The following PFKL variants were observed in gnomAD, a reference collection of about 807,000 sequenced individuals.
PFKL encodes the protein ATP-dependent 6-phosphofructokinase, liver type.
Under a neutral mutation model 92.1 loss-of-function variants are expected in PFKL, and 74 were observed. That is an observed-to-expected ratio of 0.80 (90% CI 0.67 to 0.97). The LOEUF is 0.97. PFKL is among the 50% of genes least tolerant of loss of function. PFKL has a pLI of 0.00. For missense variants in PFKL, 1,028 were observed against 1,116.6 expected (o/e 0.92, Z 1.13); for synonymous variants, 494 against 456.4 (o/e 1.08, Z -1.05).
chr21:44,319,505 C>T (rs2047304435), intron 11 of PFKL, 90 bp downstream of exon 11: 3 of 1,081,858 alleles, frequency 2.8e-6, no homozygotes, highest in Admixed American at 1.7e-5. Flanking sequence ...GCACGCCTGG[C>T]CTGGGTCATC....
intron 12 of PFKL, 117 bp downstream of exon 12, chr21:44,320,264 G>T (rs1212784114): frequency 6.2e-6 from 5 of 809,846 alleles, no homozygotes; most frequent in East Asian, 2.8e-5. Flanking sequence ...GCTGGGGTCC[G>T]AGCTGTGAGC....
In PFKL at chr21:44,321,677, G is replaced by T; in HGVS notation, c.1192-52G>T. 8.2e-6 allele frequency: 12 copies of T among 1,470,528 alleles called. No homozygotes were observed. In the South Asian group the frequency reaches 1.7e-4, roughly 21 times the overall value. The allele number at this position is 1,470,528 out of a possible 1,614,324, so 91.1% of individuals were successfully genotyped here. On this transcript the variant is annotated intron_variant, in intron 12 of 21. Transcript: ENST00000349048. Reference sequence around the variant, plus strand: ...GGCCTGCTGACCTCCTGTGCAGGTTGGGGGTCCCCTCCCCGGCTGTGCCTC... The same window carrying T: ...GGCCTGCTGACCTCCTGTGCAGGTTTGGGGTCCCCTCCCCGGCTGTGCCTC...
In PFKL at chr21:44,316,231, G is replaced by A. The variant is rs59502052; in HGVS notation, c.748-13G>A. 2.3e-4 allele frequency: 365 copies of A among 1,612,398 alleles called. 2 individuals are homozygous for A. In the East Asian group the frequency reaches 3.5e-3, roughly 16 times the overall value. On this transcript the variant is annotated splice_polypyrimidine_tract_variant and intron_variant, in intron 7 of 21. Coordinates refer to ENST00000349048, the MANE Select transcript of PFKL (RefSeq NM_002626.6). ...CTGCCTGGCAGCTGAGCCCTGTCGT[G>A]TCTTTGACCCAGACTCGGAGCCGTG...
chr21:44,305,657 C>A, intron 1 of PFKL: 1 of 899,328 alleles, frequency 1.1e-6, no homozygotes, highest in African/African-American at 1.8e-5. Context: ...TTCCTCCTCT[C>A]TGAAGATTAG....
Position 44,316,338 on chromosome 21 carries a change from A to T in PFKL, c.842A>T (p.Asp281Val), listed in dbSNP as rs757105915. ...CCCATCTCGTCCAGCTACGTGAAGG[A>T]CGTGCGTGTGGGCCTGGGGGTGGCC... ...GKPISSSYVK[D>V]LVVQRLGFDT... The change falls in exon 8 of 22, where the codon GAC (aspartate) becomes GTC (valine). Residue 281 changes from aspartate (D) to valine (V), a missense_variant and splice_region_variant. Transcript: ENST00000349048. 1 of 1,613,170 alleles carries T rather than the reference A, an allele frequency of 6.2e-7. No individual in the cohort carries two copies. Among genetic ancestry groups the T allele is most frequent in the Non-Finnish European group, 8.5e-7 (1 of 1,179,882 alleles).
intron 1 of PFKL, among the ~76,000 whole-genome samples, chr21:44,301,017 G>T (rs2040760036): frequency 6.6e-6 from 1 of 152,228 alleles, no homozygotes; most frequent in Non-Finnish European, 1.5e-5. Context: ...GCTGGGTTGG[G>T]AAGGGGCCCA....
In PFKL at chr21:44,326,331, A is replaced by T. The variant is rs4818905; in HGVS notation, c.2195+67A>T. 53 of 1,218,170 alleles carry T rather than the reference A, an allele frequency of 4.4e-5. No homozygotes were observed. In the Admixed American group the frequency reaches 6.0e-4, roughly 14 times the overall value. The allele number at this position is 1,218,170 out of a possible 1,614,324, so 75.5% of individuals were successfully genotyped here. A position where few individuals can be genotyped will look rare whatever the true frequency, so the allele number is the denominator to read the frequency against. ...GGGTGGCCCAGACCTTCCCTGAGGCAGGTGTGCCAGGCCCAGCCCCACTGG... is the reference window on the plus strand; with the variant it reads ...GGGTGGCCCAGACCTTCCCTGAGGCTGGTGTGCCAGGCCCAGCCCCACTGG... On this transcript the variant is annotated intron_variant, in intron 21 of 21. Coordinates refer to ENST00000349048, the MANE Select transcript of PFKL (RefSeq NM_002626.6).
Position 44,316,265 on chromosome 21 carries a change from C to CTG in PFKL, c.770_771dup (p.Asn258Ter), listed in dbSNP as rs2047201608. On this transcript the variant is annotated frameshift_variant, in exon 8 of 22. Coordinates refer to ENST00000349048, the MANE Select transcript of PFKL (RefSeq NM_002626.6). LOFTEE classifies it high-confidence loss of function. Reference sequence around the variant, plus strand: ...CCAGACTCGGAGCCGTGGGTCCCGACTGAACATCATCATCATCGCTGAGGG... The same window carrying CTG: ...CCAGACTCGGAGCCGTGGGTCCCGACTGTGAACATCATCATCATCGCTGAGGG... 1 of 1,613,176 alleles carries CTG rather than the reference C, an allele frequency of 6.2e-7. No individual in the cohort carries two copies. The highest frequency in any genetic ancestry group is 1.7e-5 in the Admixed American group (1 of 60,020).
intron 1 of PFKL, 46 bp from the exon 2 acceptor site, chr21:44,306,635 C>T: frequency 6.4e-7 from 1 of 1,556,416 alleles, no homozygotes; most frequent in Non-Finnish European, 8.8e-7. Flanking sequence ...TGTCCAGGGC[C>T]TTGCTTCTCA....
rs57626279 is a variant in PFKL at position 44,311,100 on chromosome 21, C to T, written c.237+17C>T. Reference sequence around the variant, plus strand: ...ATCCAGCTGGTGAGGCCTGGGAACGCGGATGCATGTTGCACTTGGACTCGC... The same window carrying T: ...ATCCAGCTGGTGAGGCCTGGGAACGTGGATGCATGTTGCACTTGGACTCGC... On this transcript the variant is annotated intron_variant, in intron 3 of 21. Transcript: ENST00000349048. 1.9e-5 allele frequency: 30 copies of T among 1,604,870 alleles called. 1 individual carries two copies. The highest frequency in any genetic ancestry group is 1.2e-4 in the South Asian group (11 of 90,602).
In PFKL at chr21:44,302,271, G is replaced by T. The variant is rs529725347; in HGVS notation, c.85+2081G>T. On this transcript the variant is annotated intron_variant, in intron 1 of 21. Transcript: ENST00000349048. The stretch of plus-strand genomic sequence containing the variant: ...CCGTGCAGCTGCAGCGTCTCTGTAT[G>T]TGAGCTCCCATGCGTGGACAGGGAA... Among the ~76,000 whole-genome samples the T allele has an allele frequency of 8.2e-4, 125 of 152,370 alleles. 1 individual carries two copies. Among genetic ancestry groups the T allele is most frequent in the Middle Eastern group, 3.4e-3 (1 of 294 alleles).
At position 44,321,870 on chromosome 21, in the gene PFKL, G is replaced by A. The variant is rs771567943; in HGVS notation, c.1333G>A (p.Gly445Ser). 1.3e-6 allele frequency: 2 copies of A among 1,539,380 alleles called. No individual in the cohort carries two copies. The highest frequency in any genetic ancestry group is 4.0e-5 in the Admixed American group (2 of 49,654). ...VHDGFEGLAK[G>S]QVQEVGWHDV... ...CGATGGCTTCGAAGGCCTAGCCAAG[G>A]GTCAGGTGGGTCCGGCCGGGGCAAA... Residue 445 changes from glycine (G) to serine (S), a missense_variant, in exon 13 of 22, where the codon GGT becomes AGT. Transcript: ENST00000349048.
chr21:44,305,274 A>C, intron 1 of PFKL: 1 of 1,346,450 alleles, frequency 7.4e-7, no homozygotes, highest in South Asian at 1.2e-5. Context: ...ACCTCACCTC[A>C]CACCTGCTCC....
chr21:44,325,219 G>A lies in PFKL; in HGVS notation c.1944G>A (p.Lys648=). ...ACAACCTGTACTCATCAGAGGGCAA[G>A]GGCGTCTTCGACTGCAGGACCAATG... ...FLYNLYSSEG[K]GVFDCRTNVL... Residue 648 remains lysine, a synonymous_variant, in exon 19 of 22, where the codon AAG becomes AAA. Coordinates refer to ENST00000349048, the MANE Select transcript of PFKL (RefSeq NM_002626.6). The A allele has an allele frequency of 6.2e-7, 1 of 1,613,298 alleles. No individual in the cohort carries two copies. Among genetic ancestry groups the A allele is most frequent in the Non-Finnish European group, 8.5e-7 (1 of 1,179,834 alleles).
At chr21:44,319,290 A>G (rs1040749650) in intron 10 of PFKL, 61 bp from the exon 11 acceptor site, 4 of 1,422,142 alleles carry the variant, frequency 2.8e-6, no homozygotes, top group East Asian at 2.3e-5. Flanking sequence ...CAGACAGGGC[A>G]GTAGCCATGG....
intron 1 of PFKL, among the ~76,000 whole-genome samples, chr21:44,301,421 C>T (rs1239612968): frequency 6.6e-6 from 1 of 151,382 alleles, no homozygotes; most frequent in Non-Finnish European, 1.5e-5. Flanking sequence ...TCACGCCTTT[C>T]CTGTGGGCCA....
intron 11 of PFKL, 119 bp from the exon 12 acceptor site, chr21:44,319,965 C>A: frequency 1.2e-6 from 1 of 868,642 alleles, no homozygotes; most frequent in Non-Finnish European, 1.9e-6. Flanking sequence ...TGCCTCATGG[C>A]TGAGCTTCCA....
chr21:44,300,232 G>C (rs2040728532), intron 1 of PFKL, 42 bp downstream of exon 1: 1 of 964,850 alleles, frequency 1.0e-6, no homozygotes, highest in African/African-American at 1.8e-5. Flanking sequence ...AGGGGGTGGA[G>C]GGCGCCTCCG....
intron 3 of PFKL, among the ~76,000 whole-genome samples, chr21:44,311,351 C>G (rs550334223): frequency 2.0e-5 from 3 of 151,858 alleles, no homozygotes; most frequent in Admixed American, 6.5e-5. Flanking sequence ...TACAGACACA[C>G]AGACGTGCAC....
Sources: allele counts gnomAD v4.1 joint callset (sites outside exome capture counted in the v4.1 genomes callset), GRCh38; gene constraint gnomAD v4.1.1; transcripts MANE v1.5; gene names NCBI Gene and HGNC (gene_info 2026-07-23, HGNC 2026-07-21).